Variants in SYNE2 observed in about 807,000 individuals in gnomAD.
SYNE2 encodes nesprin-2.
A neutral mutation model predicts 856.3 loss-of-function variants in SYNE2; 431 were observed. That is an observed-to-expected ratio of 0.50 (90% CI 0.47 to 0.55). The LOEUF is 0.55. SYNE2 is among the 20% of genes least tolerant of loss of function. The probability of loss-of-function intolerance (pLI) is 0.00; values close to 1 mark genes in which losing one functional copy is unlikely to be tolerated. For missense variants in SYNE2, 8,129 were observed against 8,023.2 expected (o/e 1.01, Z -0.50); for synonymous variants, 2,923 against 2,872.3 (o/e 1.02, Z -0.56).
At chr14:64,008,124 A>C (rs548040606) in intron 31 of SYNE2, among the ~76,000 whole-genome samples, 1 of 152,242 alleles carries the variant, frequency 6.6e-6, no homozygotes, top group Middle Eastern at 3.4e-3. Flanking sequence ...TCCATTTTTA[A>C]AGTAGCAGCA....
rs1342687097 is a variant in SYNE2 at position 64,052,987 on chromosome 14, T to G, written c.9074T>G (p.Phe3025Cys). The change falls in exon 48 of 116, where the codon TTT becomes TGT. Residue 3025 changes from phenylalanine to cysteine, a missense_variant. Phe to Cys is a radical substitution (Grantham distance 205). This residue lies in a region of SYNE2 where 5,410 missense variants were observed against 5,284.8 expected (regional missense o/e 1.02). Coordinates refer to ENST00000555002, the MANE Select transcript of SYNE2 (RefSeq NM_182914.3). ...SQLDQLQTQVFEKEKELEEKI... is the reference protein window; with the variant it reads ...SQLDQLQTQVCEKEKELEEKI... Reference sequence around the variant, plus strand: ...CTTGACCAATTACAAACCCAAGTATTTGAAAAAGAAAAGGAACTTGAAGAA... The same window carrying G: ...CTTGACCAATTACAAACCCAAGTATGTGAAAAAGAAAAGGAACTTGAAGAA... 6.2e-7 allele frequency: 1 copy of G among 1,610,564 alleles called. No individual in the cohort carries two copies. Among genetic ancestry groups the G allele is most frequent in the Non-Finnish European group, 8.5e-7 (1 of 1,179,292 alleles).
At chr14:64,212,664 T>G (rs1036770529) in intron 104 of SYNE2, 147 bp from the exon 105 acceptor site, 2 of 752,558 alleles carry the variant, frequency 2.7e-6, no homozygotes, top group Non-Finnish European at 4.6e-6. Flanking sequence ...CATTGTCACT[T>G]AGTTAAAAAC....
At chr14:64,213,674 A>G (rs2098652866) in intron 105 of SYNE2, among the ~76,000 whole-genome samples, 1 of 152,122 alleles carries the variant, frequency 6.6e-6, no homozygotes, top group African/African-American at 2.4e-5. Context: ...ACAATTTCTC[A>G]TTTTTAAGTA....
intron 1 of SYNE2, among the ~76,000 whole-genome samples, chr14:63,904,218 A>C (rs2153337700): frequency 6.6e-6 from 1 of 152,090 alleles, no homozygotes; most frequent in African/African-American, 2.4e-5. Flanking sequence ...TATCAAATCC[A>C]CTGTTGATGG....
At chr14:64,149,667 G>C (rs1218555524) in intron 84 of SYNE2, among the ~76,000 whole-genome samples, 1 of 152,208 alleles carries the variant, frequency 6.6e-6, no homozygotes, top group African/African-American at 2.4e-5. Flanking sequence ...GATAAAGTCA[G>C]AGGAATTTAG....
At chr14:63,996,536 A>T (rs2096715297) in intron 23 of SYNE2, among the ~76,000 whole-genome samples, 1 of 149,556 alleles carries the variant, frequency 6.7e-6, no homozygotes, top group African/African-American at 2.5e-5. Flanking sequence ...CCTTTGAGAC[A>T]CCTGGTGCTT....
chr14:64,221,751 C>G lies in SYNE2; in HGVS notation c.20190+47C>G, dbSNP rs778921277. 6 of 1,603,798 alleles carry G rather than the reference C, an allele frequency of 3.7e-6. No homozygotes were observed. In the East Asian group the frequency reaches 6.7e-5, roughly 18 times the overall value. On this transcript the variant is annotated intron_variant, in intron 112 of 115. Coordinates refer to ENST00000555002, the MANE Select transcript of SYNE2 (RefSeq NM_182914.3). ...CTGTACTGCCACCAGCCTCTGTCAGCCCCAGAGAGGCAGCACACTCAGGTA... is the reference window on the plus strand; with the variant it reads ...CTGTACTGCCACCAGCCTCTGTCAGGCCCAGAGAGGCAGCACACTCAGGTA...
intron 89 of SYNE2, 128 bp downstream of exon 89, chr14:64,163,709 C>A (rs76205846): frequency 6.7e-5 from 67 of 1,006,044 alleles, no homozygotes; most frequent in Admixed American, 6.2e-4. Context: ...TGAAGCTGCT[C>A]CCAAATGTAT....
Position 64,218,431 on chromosome 14 carries a change from G to A in SYNE2, c.19576G>A (p.Gly6526Ser), listed in dbSNP as rs761828203. 1.2e-6 allele frequency: 2 copies of A among 1,613,962 alleles called. No individual in the cohort carries two copies. The highest frequency in any genetic ancestry group is 8.5e-7 in the Non-Finnish European group (1 of 1,180,028). Residue 6526 changes from glycine (G) to serine (S), a missense_variant, in exon 109 of 116, where the codon GGC (glycine) becomes AGC (serine). By Grantham distance (56) the Gly-to-Ser change is moderately conservative (BLOSUM62 0). This residue lies in a region of SYNE2 where 5,410 missense variants were observed against 5,284.8 expected (regional missense o/e 1.02). Transcript: ENST00000555002. ...KLLLPPGTDG[G>S]KEGPRVLNGN... ...ACTATTACCTCCAGGCACGGATGGTGGCAAAGAAGGCCCGCGAGTCCTGAA... is the reference window on the plus strand; with the variant it reads ...ACTATTACCTCCAGGCACGGATGGTAGCAAAGAAGGCCCGCGAGTCCTGAA...
rs2096938872 is a variant in SYNE2, at chr14:64,021,967, C to T, written c.5463C>T (p.Val1821=). 8 of 1,613,596 alleles carry T rather than the reference C, an allele frequency of 5.0e-6. No individual in the cohort carries two copies. The highest frequency in any genetic ancestry group is 6.8e-6 in the Non-Finnish European group (8 of 1,179,784). ...AATTGAAAAAGCAATATGAAAGTGT[C>T]AGTGATTTATTTAATACCAAAAAAA... ...LSELKKQYES[V]SDLFNTKKSV... The change falls in exon 37 of 116, where the codon GTC becomes GTT. Residue 1821 remains valine, a synonymous_variant. Coordinates refer to ENST00000555002, the MANE Select transcript of SYNE2 (RefSeq NM_182914.3).
rs202133729 is a variant in SYNE2 at position 63,778,422 on chromosome 14, G to A, written c.-305+16436G>A. Reference sequence around the variant, plus strand: ...ATACATGCTAATTAGCTTGATTGTGGTATTCATTTAACACTATATGCATAT... The same window carrying A: ...ATACATGCTAATTAGCTTGATTGTGATATTCATTTAACACTATATGCATAT... On this transcript the variant is annotated intron_variant, in intron 1 of 23. Coordinates refer to the SYNE2 transcript ENST00000674003. 2.6e-5 allele frequency among the ~76,000 whole-genome samples: 4 copies of A among 152,028 alleles called. 1 individual carries two copies. The highest frequency in any genetic ancestry group is 2.0e-4 in the Admixed American group (3 of 15,234).
chr14:64,031,392 G>T, intron 45 of SYNE2, 35 bp downstream of exon 45: 1 of 1,583,406 alleles, frequency 6.3e-7, no homozygotes, highest in Non-Finnish European at 8.7e-7. Context: ...AAGACAGTGA[G>T]TCTGAGAATG....
At chr14:64,216,560 C>T (rs894063557) in intron 108 of SYNE2, 173 bp downstream of exon 108, 46 of 759,980 alleles carry the variant, frequency 6.1e-5, no homozygotes, top group Admixed American at 1.2e-4. Context: ...ATTAGAACCC[C>T]GGCAAAACCG....
At chr14:63,888,359 C>T (rs948468956) in intron 1 of SYNE2, among the ~76,000 whole-genome samples, 1 of 152,158 alleles carries the variant, frequency 6.6e-6, no homozygotes, top group African/African-American at 2.4e-5. Flanking sequence ...AGCCAGCCAG[C>T]AGCTGTGTGT....
chr14:63,794,475 C>T (rs1887850166), intron 1 of SYNE2, among the ~76,000 whole-genome samples: 1 of 152,088 alleles, frequency 6.6e-6, no homozygotes, highest in African/African-American at 2.4e-5. Flanking sequence ...CAGATGTGAG[C>T]CACCGTGCCC....
chr14:63,860,999 A>G (rs771225568), intron 1 of SYNE2, among the ~76,000 whole-genome samples: 1 of 152,170 alleles, frequency 6.6e-6, no homozygotes, highest in Non-Finnish European at 1.5e-5. Context: ...GGGCCCAGCA[A>G]TCTGTGTTTA....
In SYNE2 at chr14:64,038,612, G is replaced by A. The variant is rs1171990667; in HGVS notation, c.7221+7255G>A. Among the ~76,000 whole-genome samples, 3 of 152,268 alleles carry A rather than the reference G, an allele frequency of 2.0e-5. No homozygotes were observed. The East Asian group carries it at 5.8e-4, about 29-fold the overall frequency. On this transcript the variant is annotated intron_variant, in intron 45 of 115. Transcript: ENST00000555002. ...CCCGGCACCTCGGGAGGCCGAGGCT[G>A]GTGGATCACTCGGCGGTTAGGAGCT...
chr14:64,090,820 C>T (rs757131323), intron 59 of SYNE2, 46 bp from the exon 60 acceptor site: 8 of 1,508,506 alleles, frequency 5.3e-6, no homozygotes, highest in Middle Eastern at 1.7e-4. Flanking sequence ...TTAACAGTGG[C>T]CATTGTCTTT....
Position 64,163,439 on chromosome 14 carries a change from T to A in SYNE2, c.16337T>A (p.Phe5446Tyr). 1 of 1,614,052 alleles carries A rather than the reference T, an allele frequency of 6.2e-7. No homozygotes were observed. The highest frequency in any genetic ancestry group is 1.1e-5 in the South Asian group (1 of 91,080). The change falls in exon 89 of 116, where the codon TTT becomes TAT. Residue 5446 changes from phenylalanine to tyrosine, a missense_variant. Physicochemically the swap from Phe to Tyr is conservative, Grantham distance 22 (BLOSUM62 3). This residue lies in a region of SYNE2 where 5,410 missense variants were observed against 5,284.8 expected (regional missense o/e 1.02). Transcript: ENST00000555002. ...QHDVQKTKEA[F>Y]LQNSSVLDRL... The stretch of plus-strand genomic sequence containing the variant: ...GATGTGCAGAAAACAAAAGAAGCCT[T>A]TCTCCAAAATTCCAGTGTCCTGGAT...
Sources: allele counts gnomAD v4.1 joint callset (sites outside exome capture counted in the v4.1 genomes callset), GRCh38; gene constraint gnomAD v4.1.1; regional missense constraint gnomAD v4.1.1; transcripts MANE v1.5; gene names NCBI Gene and HGNC (gene_info 2026-07-23, HGNC 2026-07-21).